The following UBAP1L variants were observed in gnomAD, a reference collection of about 807,000 sequenced individuals.
The protein encoded by UBAP1L is ubiquitin-associated protein 1-like.
A neutral mutation model predicts 32.1 loss-of-function variants in UBAP1L; 32 were observed. The observed-to-expected ratio is 1.00, with a 90% confidence interval of 0.75 to 1.34. The LOEUF (loss-of-function observed/expected upper bound fraction) is 1.34, where lower values mean the gene tolerates loss of function less well. UBAP1L is among the 40% of genes most tolerant of loss of function. UBAP1L has a pLI of 0.00. For synonymous variants in UBAP1L, 243 were observed against 250.2 expected, an observed-to-expected ratio of 0.97 and a Z score of 0.27; for missense variants, 516 against 540.5, an observed-to-expected ratio of 0.95 and a Z score of 0.45.
At chr15:65,104,531 G>A (rs1301199170) in intron 2 of UBAP1L, among the ~76,000 whole-genome samples, 1 of 152,208 alleles carries the variant, frequency 6.6e-6, no homozygotes, top group Admixed American at 6.5e-5. Context: ...TAGGGATTTA[G>A]TAACTAATAC....
At position 65,106,165 on chromosome 15, in the gene UBAP1L, T is replaced by C; in HGVS notation, c.51A>G (p.Ile17Met). The C allele has an allele frequency of 6.5e-7, 1 of 1,550,276 alleles. No homozygotes were observed. The highest frequency in any genetic ancestry group is 8.7e-7 in the Non-Finnish European group (1 of 1,146,646). ...CTGGCCCAGGGAGAGGCTCTGTGCC[T>C]ATCACAAAGCCCTTGGGCAACTTGA... ...VPFKLPKGFV[I>M]GTEPLPGPEL... The change falls in exon 2 of 6, where the codon ATA (isoleucine) becomes ATG (methionine). Residue 17 changes from isoleucine (I) to methionine (M), a missense_variant. Physicochemically the swap from Ile to Met is conservative, Grantham distance 10 (BLOSUM62 1). Coordinates refer to ENST00000559089, the MANE Select transcript of UBAP1L (RefSeq NM_001163692.2).
rs1029323852 is a variant in UBAP1L at position 65,102,360 on chromosome 15, G to A, written c.445C>T (p.Arg149Cys). 4.7e-6 allele frequency: 7 copies of A among 1,478,588 alleles called. No homozygotes were observed. In the African/African-American group the frequency reaches 7.4e-5, roughly 16 times the overall value. The allele number at this position is 1,478,588 out of a possible 1,614,324, so 91.6% of individuals were successfully genotyped here. A position where few individuals can be genotyped will look rare whatever the true frequency, so the allele number is the denominator to read the frequency against. Reference protein sequence around the residue: ...GRRLCSLDVLRGVRLELAGAR... With the variant: ...GRRLCSLDVLCGVRLELAGAR... ...CCTGCCAGCTCCAACCGCACGCCGCGTAGCACGTCCAGCGAGCACAGGCGA... is the reference window on the plus strand; with the variant it reads ...CCTGCCAGCTCCAACCGCACGCCGCATAGCACGTCCAGCGAGCACAGGCGA... The change falls in exon 3 of 6, where the codon CGC becomes TGC. Residue 149 changes from arginine (R) to cysteine (C), a missense_variant. Arg to Cys is a radical substitution (Grantham distance 180). Transcript: ENST00000559089. This position sits in a 1 kb window ranked among gnomAD's most constrained non-coding sequence, Gnocchi z 5.0.
At chr15:65,113,987 A>AGC (rs2140573818) in intron 1 of UBAP1L, among the ~76,000 whole-genome samples, 1 of 152,116 alleles carries the variant, frequency 6.6e-6, no homozygotes, top group South Asian at 2.1e-4. Context: ...CCCAGGTTCA[A>AGC]TAGATTCTCC....
Position 65,094,562 on chromosome 15 carries a change from G to A in UBAP1L, c.924C>T (p.Leu308=), listed in dbSNP as rs976045537. 1.3e-6 allele frequency: 2 copies of A among 1,551,422 alleles called. No homozygotes were observed. The highest frequency in any genetic ancestry group is 8.7e-7 in the Non-Finnish European group (1 of 1,146,920). The change falls in exon 5 of 6, where the codon CTC becomes CTT. Residue 308 remains leucine (L), a synonymous_variant. Transcript: ENST00000559089. This position sits in a 1 kb window ranked among gnomAD's most constrained non-coding sequence, Gnocchi z 4.2. ...GACGTAACAGGCGGTCACAGGCACTGAGGTAGCTGAGAAACTGGGCCGGAA... is the reference window on the plus strand; with the variant it reads ...GACGTAACAGGCGGTCACAGGCACTAAGGTAGCTGAGAAACTGGGCCGGAA... ...RQSLSQFLSY[L]SACDRLLRQG... is the part of the protein sequence containing the mutation.
chr15:65,110,879 G>A (rs964971420), intron 1 of UBAP1L, among the ~76,000 whole-genome samples: 1 of 152,092 alleles, frequency 6.6e-6, no homozygotes, highest in African/African-American at 2.4e-5. Flanking sequence ...TGTCATCCCT[G>A]CCAGGATGAC....
chr15:65,093,378 C>T, intron 5 of UBAP1L, 147 bp from the exon 6 acceptor site: 1 of 953,678 alleles, frequency 1.0e-6, no homozygotes, highest in South Asian at 2.0e-5. Flanking sequence ...TGGGCCACAC[C>T]TGCCACTTTT....
chr15:65,112,968 C>G (rs2140573118), intron 1 of UBAP1L, among the ~76,000 whole-genome samples: 1 of 152,322 alleles, frequency 6.6e-6, no homozygotes, highest in Middle Eastern at 3.4e-3. Flanking sequence ...GAATCCAAGC[C>G]CCCATTATCT....
At chr15:65,099,368 G>C (rs1415780442) in intron 4 of UBAP1L, 137 bp downstream of exon 4, 3 of 882,220 alleles carry the variant, frequency 3.4e-6, no homozygotes, top group Non-Finnish European at 5.2e-6. Context: ...AACCCTGAGG[G>C]GCCATAGATG....
rs529163777 is a variant in UBAP1L at position 65,102,131 on chromosome 15, A to C, written c.674T>G (p.Leu225Arg). The change falls in exon 3 of 6, where the codon CTG becomes CGG. Residue 225 changes from leucine (L) to arginine (R), a missense_variant. Leu to Arg is a moderately radical substitution (Grantham distance 102). Coordinates refer to ENST00000559089, the MANE Select transcript of UBAP1L (RefSeq NM_001163692.2). This position sits in a 1 kb window ranked among gnomAD's most constrained non-coding sequence, Gnocchi z 5.0. ...RPSTAGAIPP[L>R]RSHKPTVASL... ...CGCGACCGTAGGCTTGTGGCTCCGCAGCGGGGGGATGGCGCCTGCCGTGGA... is the reference window on the plus strand; with the variant it reads ...CGCGACCGTAGGCTTGTGGCTCCGCCGCGGGGGGATGGCGCCTGCCGTGGA... 1.7e-6 allele frequency: 2 copies of C among 1,199,466 alleles called. No individual in the cohort carries two copies. The highest frequency in any genetic ancestry group is 2.1e-6 in the Non-Finnish European group (2 of 966,114). 74.3% of individuals were successfully genotyped at this position (1,199,466 alleles called of 1,614,324 possible).
At position 65,093,219 on chromosome 15, in the gene UBAP1L, G is replaced by A. The variant is rs2140554670; in HGVS notation, c.1024C>T (p.Leu342=). The A allele has an allele frequency of 6.5e-7, 1 of 1,546,636 alleles. No homozygotes were observed. The highest frequency in any genetic ancestry group is 2.0e-5 in the Admixed American group (1 of 50,134). The change falls in exon 6 of 6, where the codon CTG becomes TTG. Residue 342 remains leucine (L), a synonymous_variant. Transcript: ENST00000559089. ...QFSESQAGEF[L]RLWEQFSDMG... The stretch of plus-strand genomic sequence containing the variant: ...TCACTGAACTGCTCCCAGAGGCGCA[G>A]GAACTCCCCTGCCTGAGGAAGAGGA...
chr15:65,108,282 GA>G lies in UBAP1L; in HGVS notation c.-173-1895del, dbSNP rs1033137566. Among the ~76,000 whole-genome samples, 317 of 138,584 alleles carry G rather than the reference GA, an allele frequency of 2.3e-3. 1 individual carries two copies. The highest frequency in any genetic ancestry group is 0.011 in the Middle Eastern group (3 of 266). The allele number at this position is 138,584 out of a possible 152,430, so 90.9% of individuals were successfully genotyped here. ...TGGATTAATTTGATATCCATCTGGG[GA>G]AAAAAAAAAACAAAAACAATATTGA... On this transcript the variant is annotated intron_variant, in intron 1 of 5. Coordinates refer to ENST00000559089, the MANE Select transcript of UBAP1L (RefSeq NM_001163692.2).
At chr15:65,108,473 G>A (rs922144209) in intron 1 of UBAP1L, among the ~76,000 whole-genome samples, 1 of 152,170 alleles carries the variant, frequency 6.6e-6, no homozygotes, top group African/African-American at 2.4e-5. Flanking sequence ...GGCCAGGCAC[G>A]TTGGCTCATG....
intron 2 of UBAP1L, among the ~76,000 whole-genome samples, chr15:65,104,302 G>A (rs1007193802): frequency 2.7e-5 from 4 of 150,598 alleles, no homozygotes; most frequent in Non-Finnish European, 4.4e-5. Flanking sequence ...GAGAGAGAGC[G>A]AGACAGAGAG....
At position 65,093,110 on chromosome 15, in the gene UBAP1L, G is replaced by A; in HGVS notation, c.1133C>T (p.Ala378Val). The change falls in exon 6 of 6, where the codon GCC becomes GTC. Residue 378 changes from alanine to valine, a missense_variant. By Grantham distance (64) the Ala-to-Val change is moderately conservative (BLOSUM62 0). Transcript: ENST00000559089. The stretch of plus-strand genomic sequence containing the variant: ...GTGCCTCCGTGGTCACTGGGCACAG[G>A]CCACCAGCTCCTCCAGGGCTTGCTC... ...RREQALEELVACAQ is the reference protein window; with the variant it reads ...RREQALEELVVCAQ 3 of 1,548,680 alleles carry A rather than the reference G, an allele frequency of 1.9e-6. No homozygotes were observed. The highest frequency in any genetic ancestry group is 1.4e-5 in the African/African-American group (1 of 73,036).
At chr15:65,109,217 G>T (rs1349823886) in intron 1 of UBAP1L, among the ~76,000 whole-genome samples, 1 of 150,050 alleles carries the variant, frequency 6.7e-6, no homozygotes, top group Non-Finnish European at 1.5e-5. Flanking sequence ...GGGCGTGGTG[G>T]CTCACACCTG....
At chr15:65,112,296 G>C (rs994626177) in intron 1 of UBAP1L, among the ~76,000 whole-genome samples, 12 of 152,184 alleles carry the variant, frequency 7.9e-5, no homozygotes, top group Non-Finnish European at 1.3e-4. Context: ...AGGGTAGACT[G>C]GGGTAGAGCT....
rs1259087800 is a variant in UBAP1L at position 65,102,655 on chromosome 15, G to A, written c.150C>T (p.Leu50=). The part of the protein sequence containing the change: ...MHDFSLERTA[L]FWVEAAGQGP... ...CCTGGCCGGCGGCCTCCACCCAGAA[G>A]AGTGCCGTCCTCTCCAGGCTGAAGT... The change falls in exon 3 of 6, where the codon CTC becomes CTT. Residue 50 remains leucine (L), a synonymous_variant. Transcript: ENST00000559089. The surrounding 1 kb of genome is among the most constrained non-coding windows in gnomAD (Gnocchi z 5.0). The A allele has an allele frequency of 6.5e-7, 1 of 1,548,720 alleles. No homozygotes were observed. The highest frequency in any genetic ancestry group is 1.4e-5 in the African/African-American group (1 of 73,132).
At chr15:65,107,871 A>G (rs1216781069) in intron 1 of UBAP1L, among the ~76,000 whole-genome samples, 5 of 152,176 alleles carry the variant, frequency 3.3e-5, no homozygotes, top group Non-Finnish European at 7.4e-5. Context: ...GGTTAAATGG[A>G]GGAACATACC....
chr15:65,097,847 T>C (rs2087194646), intron 4 of UBAP1L: 2 of 152,238 alleles, frequency 1.3e-5, no homozygotes, highest in South Asian at 4.1e-4. Flanking sequence ...TCACTTCCCT[T>C]CTGCCATTCC....
Sources: gnomAD v4.1 joint callset for allele counts (sites outside exome capture counted in the v4.1 genomes callset) on GRCh38, gnomAD v4.1.1 for gene constraint, Gnocchi (gnomAD v3.1) non-coding constraint, MANE v1.5 for transcripts, NCBI Gene and HGNC (gene_info 2026-07-23, HGNC 2026-07-21) for gene names.